Variants in BPNT1 observed in about 807,000 individuals in gnomAD.
The protein encoded by BPNT1 is 3'(2'), 5'-bisphosphate nucleotidase 1, also known as 3'(2'),5'-bisphosphate nucleotidase 1.
A neutral mutation model predicts 36.9 loss-of-function variants in BPNT1; 28 were observed. The observed-to-expected ratio is 0.76, with a 90% confidence interval of 0.56 to 1.04. The LOEUF (loss-of-function observed/expected upper bound fraction) is 1.04, where lower values mean the gene tolerates loss of function less well. Ranked by LOEUF, BPNT1 falls within the 50% of genes least tolerant of loss-of-function variation. The pLI is 0.00. For synonymous variants in BPNT1, 119 were observed against 130.9 expected, an observed-to-expected ratio of 0.91 and a Z score of 0.62; for missense variants, 313 against 372.9, an observed-to-expected ratio of 0.84 and a Z score of 1.32.
chr1:220,073,712 C>T (rs1167900506), intron 3 of BPNT1, among the ~76,000 whole-genome samples: 1 of 152,142 alleles, frequency 6.6e-6, no homozygotes, highest in Admixed American at 6.6e-5. Flanking sequence ...GCCCATCTTA[C>T]AGTTTGTATG....
chr1:220,059,587 T>C, intron 8 of BPNT1, 99 bp downstream of exon 8: 3 of 920,360 alleles, frequency 3.3e-6, no homozygotes, highest in Non-Finnish European at 4.9e-6. Context: ...AGCTTTTATA[T>C]CGTAACAGTC....
intron 4 of BPNT1, among the ~76,000 whole-genome samples, chr1:220,070,044 T>C (rs1323969854): frequency 6.6e-6 from 1 of 152,166 alleles, no homozygotes; most frequent in African/African-American, 2.4e-5. Flanking sequence ...CTCTAGATCA[T>C]GGTACAGGAA....
chr1:220,062,182 G>A (rs1201386036), intron 7 of BPNT1, among the ~76,000 whole-genome samples: 1 of 150,464 alleles, frequency 6.6e-6, no homozygotes, highest in Non-Finnish European at 1.5e-5. Flanking sequence ...TAGGGTACAT[G>A]TGCACAATGT....
At chr1:220,067,673 G>C (rs1435536918) in intron 5 of BPNT1, among the ~76,000 whole-genome samples, 1 of 152,176 alleles carries the variant, frequency 6.6e-6, no homozygotes, top group African/African-American at 2.4e-5. Flanking sequence ...ATCATCATCA[G>C]ATTCCTCTGT....
intron 1 of BPNT1, among the ~76,000 whole-genome samples, chr1:220,082,922 A>G (rs1655331483): frequency 6.6e-6 from 1 of 152,146 alleles, no homozygotes; most frequent in Admixed American, 6.5e-5. Context: ...GAAGTGTTTG[A>G]AACTCTTCAA....
At chr1:220,068,202 GA>G (rs1663717634) in intron 5 of BPNT1, among the ~76,000 whole-genome samples, 1 of 150,488 alleles carries the variant, frequency 6.6e-6, no homozygotes, top group Non-Finnish European at 1.5e-5. Flanking sequence ...TTCTTTTTTT[GA>G]AACAGAGTCT....
intron 1 of BPNT1, among the ~76,000 whole-genome samples, chr1:220,082,177 T>A (rs1366383554): frequency 2.2e-5 from 3 of 137,832 alleles, no homozygotes; most frequent in East Asian, 2.1e-4. Context: ...TATTTTATAT[T>A]TTTTATATAT....
At chr1:220,071,915 G>C (rs537949384) in intron 4 of BPNT1, among the ~76,000 whole-genome samples, 2 of 151,758 alleles carry the variant, frequency 1.3e-5, no homozygotes, top group Non-Finnish European at 2.9e-5. Context: ...TTGAACTCTC[G>C]ACCTCAGGTG....
intron 6 of BPNT1, among the ~76,000 whole-genome samples, chr1:220,064,223 T>A (rs2102646150): frequency 6.6e-6 from 1 of 152,328 alleles, no homozygotes; most frequent in East Asian, 1.9e-4. Flanking sequence ...TCAAAGATGA[T>A]ATTCTTAAAC....
intron 2 of BPNT1, among the ~76,000 whole-genome samples, chr1:220,078,535 TATATATATTATAATTATATATAAATATA>T (rs1374604684): frequency 1.1e-4 from 16 of 142,844 alleles, no homozygotes; most frequent in African/African-American, 3.8e-4. Flanking sequence ...TATATTACAT[TATATATATTATAATTATATATAAATATA>T]ATATATATTA....
intron 1 of BPNT1, among the ~76,000 whole-genome samples, chr1:220,084,059 G>A (rs970215064): frequency 3.3e-5 from 5 of 152,100 alleles, no homozygotes; most frequent in Non-Finnish European, 5.9e-5. Flanking sequence ...AGGGCGGGGC[G>A]CAGTGGCTCA....
chr1:220,061,368 T>G lies in BPNT1; in HGVS notation c.672+1389A>C, dbSNP rs922448856. Among the ~76,000 whole-genome samples the G allele has an allele frequency of 4.6e-5, 7 of 152,060 alleles. No homozygotes were observed. The South Asian group carries it at 1.5e-3, about 32-fold the overall frequency. On this transcript the variant is annotated intron_variant, in intron 7 of 8. Coordinates refer to ENST00000322067, the MANE Select transcript of BPNT1 (RefSeq NM_006085.6). ...AATTATTATTATAAAACTCAGACTC[T>G]TCTAGAAATACAAAAATTAGCCAGG...
At chr1:220,066,608 A>T (rs961977848) in intron 6 of BPNT1, among the ~76,000 whole-genome samples, 1 of 152,164 alleles carries the variant, frequency 6.6e-6, no homozygotes, top group Non-Finnish European at 1.5e-5. Context: ...TTATCTCAAC[A>T]ATTTCCTATA....
intron 5 of BPNT1, 109 bp from the exon 6 acceptor site, chr1:220,067,502 A>G (rs893091820): frequency 1.6e-6 from 1 of 642,252 alleles, no homozygotes; most frequent in Non-Finnish European, 2.7e-6. Flanking sequence ...GGAATTTGCA[A>G]TGATTCATCC....
At chr1:220,064,541 G>A (rs1184851202) in intron 6 of BPNT1, among the ~76,000 whole-genome samples, 2 of 152,260 alleles carry the variant, frequency 1.3e-5, no homozygotes, top group East Asian at 3.9e-4. Context: ...GCCTTTCAGG[G>A]TAGTCCCAAA....
intron 1 of BPNT1, among the ~76,000 whole-genome samples, chr1:220,081,345 C>G (rs1241992008): frequency 6.6e-6 from 1 of 152,080 alleles, no homozygotes; most frequent in Admixed American, 6.5e-5. Context: ...GAGTTTGAGA[C>G]CAGCCTGACC....
chr1:220,083,799 T>C (rs180828794), intron 1 of BPNT1, among the ~76,000 whole-genome samples: 1 of 152,300 alleles, frequency 6.6e-6, no homozygotes, highest in East Asian at 1.9e-4. Context: ...CTGTTAAAAC[T>C]GAGTTTTCAT....
Position 220,089,741 on chromosome 1 carries a change from G to A in BPNT1, c.-64C>T, listed in dbSNP as rs1227930286. The stretch of plus-strand genomic sequence containing the variant: ...GGAGGAGCAAAAGCGCGTTATCGTA[G>A]ACCCAGGTCCCTCGTTGTGTCCAGT... On this transcript the variant is annotated 5_prime_UTR_variant, in exon 1 of 9. Transcript: ENST00000322067. 1 of 152,268 alleles carries A rather than the reference G, an allele frequency of 6.6e-6. No homozygotes were observed. The highest frequency in any genetic ancestry group is 1.5e-5 in the Non-Finnish European group (1 of 68,060). 9.4% of individuals were successfully genotyped at this position (152,268 alleles called of 1,614,324 possible).
chr1:220,067,746 A>G (rs1214929051), intron 5 of BPNT1, among the ~76,000 whole-genome samples: 1 of 152,142 alleles, frequency 6.6e-6, no homozygotes, highest in Admixed American at 6.5e-5. Flanking sequence ...CCTGGATTAC[A>G]CTCTAGACTT....
Sources: allele counts gnomAD v4.1 joint callset (sites outside exome capture counted in the v4.1 genomes callset), GRCh38; gene constraint gnomAD v4.1.1; transcripts MANE v1.5; gene names NCBI Gene and HGNC (gene_info 2026-07-23, HGNC 2026-07-21).